The following PTMA variants were observed in gnomAD, a reference collection of about 807,000 sequenced individuals.
The protein encoded by PTMA is prothymosin alpha, also known as gene sequence 28.
PTMA carries 4 observed loss-of-function variants against 16.9 expected under a neutral mutation model. The observed-to-expected ratio is 0.24, with a 90% CI of 0.12 to 0.54. The LOEUF is 0.54. Ranked by LOEUF, PTMA falls within the 20% of genes least tolerant of loss-of-function variation. The pLI, the probability that PTMA is intolerant of heterozygous loss-of-function variation, is 0.95. For synonymous variants in PTMA, 58 were observed against 47.9 expected (o/e 1.21, Z -0.87); for missense variants, 120 against 137.7 (o/e 0.87, Z 0.64).
intron 1 of PTMA, among the ~76,000 whole-genome samples, chr2:231,709,098 G>T (rs1277847995): frequency 6.6e-6 from 1 of 152,200 alleles, no homozygotes; most frequent in Non-Finnish European, 1.5e-5. Context: ...CCCGCCGGGC[G>T]CACGGAAATA....
chr2:231,712,366 C>T, intron 3 of PTMA, 77 bp from the exon 4 acceptor site: 1 of 1,478,122 alleles, frequency 6.8e-7, no homozygotes, highest in East Asian at 2.3e-5. Context: ...TTGCAGTCCA[C>T]TACATGTTCC....
intron 4 of PTMA, 22 bp from the exon 5 acceptor site, chr2:231,712,782 T>C (rs2048534997): frequency 1.9e-6 from 3 of 1,588,484 alleles, no homozygotes; most frequent in African/African-American, 2.7e-5. Flanking sequence ...GGAGGGGCCT[T>C]TGACAGTCTT....
chr2:231,708,836 A>C, intron 1 of PTMA, 85 bp downstream of exon 1: 1 of 1,479,414 alleles, frequency 6.8e-7, no homozygotes, highest in Non-Finnish European at 9.2e-7. Context: ...GACTGTCTCA[A>C]GCCCGCTGTT....
At chr2:231,710,297 C>T (rs982278303) in intron 1 of PTMA, 11 of 1,268,034 alleles carry the variant, frequency 8.7e-6, no homozygotes, top group African/African-American at 1.5e-5. Context: ...CCGGGAGTCT[C>T]CAAGGCAAGG....
rs949039468 is a variant in PTMA, at chr2:231,713,101, A to G, written c.*250A>G. On this transcript the variant is annotated 3_prime_UTR_variant, in exon 5 of 5. Transcript: ENST00000409115. ...TGCTTTTTTTCTTAAAAGTACTTTA[A>G]AAAGGAAATTTGTTTGTATTTTTTA... The G allele has an allele frequency of 1.2e-5, 6 of 513,466 alleles. No homozygotes were observed. Among genetic ancestry groups the G allele is most frequent in the Admixed American group, 7.3e-5 (2 of 27,556 alleles). The allele number at this position is 513,466 out of a possible 1,614,324, so 31.8% of individuals were successfully genotyped here. A position where few individuals can be genotyped will look rare whatever the true frequency, so the allele number is the denominator to read the frequency against.
rs755438577 is a variant in PTMA, at chr2:231,711,932, G to A, written c.160G>A (p.Glu54Lys). 3.1e-6 allele frequency: 5 copies of A among 1,600,784 alleles called. No homozygotes were observed. Among genetic ancestry groups the A allele is most frequent in the South Asian group, 2.2e-5 (2 of 89,228 alleles). The change falls in exon 3 of 5, where the codon GAA (glutamate) becomes AAA (lysine). Residue 54 changes from glutamate (E) to lysine (K), a missense_variant. Physicochemically the swap from Glu to Lys is moderately conservative, Grantham distance 56. Coordinates refer to ENST00000409115, the MANE Select transcript of PTMA (RefSeq NM_002823.5). ...GCAGGAGGCTGACAATGAGGTAGAC[G>A]AAGAAGAGGAAGAAGGTGGGGAGGA... ...GEQEADNEVD[E>K]EEEEGGEEEE... is the part of the protein sequence containing the mutation.
intron 1 of PTMA, 56 bp from the exon 2 acceptor site, chr2:231,711,292 T>G: frequency 6.8e-7 from 1 of 1,473,934 alleles, no homozygotes; most frequent in Non-Finnish European, 9.5e-7. Context: ...CGCCTTTGCT[T>G]ACCCTGGGTT....
In PTMA at chr2:231,711,977, G is replaced by A. The variant is rs1321993204; in HGVS notation, c.205G>A (p.Gly69Ser). The A allele has an allele frequency of 5.1e-6, 8 of 1,570,540 alleles. No homozygotes were observed. Among genetic ancestry groups the A allele is most frequent in the Non-Finnish European group, 6.9e-6 (8 of 1,157,338 alleles). The change falls in exon 3 of 5, where the codon GGT becomes AGT. Residue 69 changes from glycine to serine, a missense_variant. Transcript: ENST00000409115. The stretch of plus-strand genomic sequence containing the variant: ...GGAGGAAGAGGAGGAGGAAGAAGAA[G>A]GTGATGGTGAGTAGCCTTGTCTATC... The part of the protein sequence containing the change: ...GGEEEEEEEE[G>S]DGEEEDGDED...
chr2:231,708,834 C>G (rs543643064), intron 1 of PTMA, 83 bp downstream of exon 1: 16 of 1,492,668 alleles, frequency 1.1e-5, no homozygotes, highest in South Asian at 9.3e-5. Flanking sequence ...TGGACTGTCT[C>G]AAGCCCGCTG....
chr2:231,711,828 A>C, intron 2 of PTMA, 62 bp from the exon 3 acceptor site: 4 of 1,590,486 alleles, frequency 2.5e-6, no homozygotes, highest in Non-Finnish European at 3.4e-6. Context: ...GGGCATCAGG[A>C]GCAACGCTCT....
intron 2 of PTMA, 91 bp downstream of exon 2, chr2:231,711,510 T>C (rs1358432526): frequency 8.5e-6 from 10 of 1,181,834 alleles, no homozygotes; most frequent in Non-Finnish European, 1.3e-5. Context: ...TATGTGTGTG[T>C]ATGTGTATAT....
chr2:231,711,909 A>G lies in PTMA; in HGVS notation c.137A>G (p.Gln46Arg). Residue 46 changes from glutamine to arginine, a missense_variant, in exon 3 of 5, where the codon CAG becomes CGG. Gln to Arg is a conservative substitution (Grantham distance 43). Coordinates refer to ENST00000409115, the MANE Select transcript of PTMA (RefSeq NM_002823.5). The stretch of plus-strand genomic sequence containing the variant: ...GAGGAGAATGAGGAAAATGGGGAGC[A>G]GGAGGCTGACAATGAGGTAGACGAA... ...NGNANEENGEQEADNEVDEEE... is the reference protein window; with the variant it reads ...NGNANEENGEREADNEVDEEE... 6.2e-7 allele frequency: 1 copy of G among 1,611,702 alleles called. No homozygotes were observed. The highest frequency in any genetic ancestry group is 8.5e-7 in the Non-Finnish European group (1 of 1,178,934).
chr2:231,713,247 T>C lies in PTMA; in HGVS notation c.*396T>C. 1 of 459,216 alleles carries C rather than the reference T, an allele frequency of 2.2e-6. No homozygotes were observed. Among genetic ancestry groups the C allele is most frequent in the Non-Finnish European group, 4.4e-6 (1 of 229,530 alleles). The allele number at this position is 459,216 out of a possible 1,614,324, so 28.4% of individuals were successfully genotyped here. On this transcript the variant is annotated 3_prime_UTR_variant, in exon 5 of 5. Coordinates refer to ENST00000409115, the MANE Select transcript of PTMA (RefSeq NM_002823.5). Reference sequence around the variant, plus strand: ...TCTGACTTTACTTGTGGTGTGACCATGTTCATTATAATCTCAAAGGAGAAA... The same window carrying C: ...TCTGACTTTACTTGTGGTGTGACCACGTTCATTATAATCTCAAAGGAGAAA...
At chr2:231,709,042 G>C (rs1387754597) in intron 1 of PTMA, among the ~76,000 whole-genome samples, 2 of 152,200 alleles carry the variant, frequency 1.3e-5, no homozygotes, top group East Asian at 3.9e-4. Context: ...TCTGTGGCCG[G>C]TATGAGTGGC....
intron 1 of PTMA, chr2:231,710,818 T>G (rs1214153587): frequency 9.8e-6 from 3 of 307,160 alleles, no homozygotes; most frequent in South Asian, 4.8e-5. Flanking sequence ...GTGCTTTGGC[T>G]TTTTTAGATA....
chr2:231,711,254 A>G (rs1254682158), intron 1 of PTMA, 94 bp from the exon 2 acceptor site: 1 of 994,800 alleles, frequency 1.0e-6, no homozygotes, highest in Admixed American at 1.9e-5. Flanking sequence ...GGACGGACAG[A>G]ACAGCCGTAC....
At chr2:231,709,045 T>G (rs1427048530) in intron 1 of PTMA, among the ~76,000 whole-genome samples, 1 of 152,042 alleles carries the variant, frequency 6.6e-6, no homozygotes, top group African/African-American at 2.4e-5. Context: ...GTGGCCGGTA[T>G]GAGTGGCGGC....
In PTMA at chr2:231,708,585, C is replaced by T. The variant is rs963743880; in HGVS notation, c.-122C>T. The T allele has an allele frequency of 2.4e-6, 3 of 1,239,558 alleles. No individual in the cohort carries two copies. Among genetic ancestry groups the T allele is most frequent in the East Asian group, 2.3e-5 (1 of 42,658 alleles). 76.8% of individuals were successfully genotyped at this position (1,239,558 alleles called of 1,614,324 possible). On this transcript the variant is annotated 5_prime_UTR_variant, in exon 1 of 5. Transcript: ENST00000409115. ...TGTTCCTCATCCGCCTCCTTGCTCG[C>T]CGCAGCCGCCTCCGCCGCGCGCCTC... is the stretch of plus-strand genomic sequence containing the variant.
chr2:231,710,344 G>A (rs749546588), intron 1 of PTMA: 8 of 1,218,054 alleles, frequency 6.6e-6, no homozygotes, highest in Non-Finnish European at 8.2e-6. Flanking sequence ...TGCTCCCTGC[G>A]CGCGGTGCGT....
Sources: allele counts gnomAD v4.1 joint callset (sites outside exome capture counted in the v4.1 genomes callset), GRCh38; gene constraint gnomAD v4.1.1; transcripts MANE v1.5; gene names NCBI Gene and HGNC (gene_info 2026-07-23, HGNC 2026-07-21).